MS4A12: variants seen among roughly 807,000 people sequenced by gnomAD.
MS4A12 encodes the protein membrane spanning 4-domains A12, also known as membrane-spanning 4-domains subfamily A member 12.
In MS4A12, 28 loss-of-function variants were observed where a neutral mutation model predicts 23.7. The ratio of observed to expected loss-of-function variants is 1.18; its 90% CI spans 0.88 to 1.62. MS4A12 has a LOEUF of 1.62. MS4A12 is among the 40% of genes most tolerant of loss of function. MS4A12 has a pLI of 0.00. For synonymous variants in MS4A12, 108 were observed against 110.1 expected (o/e 0.98, Z 0.12); for missense variants, 342 against 327.0 (o/e 1.05, Z -0.35).
rs1590861648 is a variant in MS4A12, at chr11:60,501,094, T to C, written c.326T>C (p.Leu109Ser). The change falls in exon 3 of 7, where the codon TTG becomes TCG. Residue 109 changes from leucine (L) to serine (S), a missense_variant. Physicochemically the swap from Leu to Ser is moderately radical, Grantham distance 145 (BLOSUM62 -2). Coordinates refer to ENST00000016913, the MANE Select transcript of MS4A12 (RefSeq NM_017716.3). ...GLMHIGFGIV[L>S]CLISFSFREV... ...ATGCACATTGGTTTTGGAATTGTTT[T>C]GTGTTTAATATCCTTCTCTTTTAGA... is the stretch of plus-strand genomic sequence containing the variant. 1.2e-6 allele frequency: 2 copies of C among 1,613,394 alleles called. No homozygotes were observed. Among genetic ancestry groups the C allele is most frequent in the Admixed American group, 3.3e-5 (2 of 59,908 alleles).
intron 1 of MS4A12, among the ~76,000 whole-genome samples, chr11:60,493,323 C>G (rs1182419948): frequency 6.6e-6 from 1 of 150,860 alleles, no homozygotes; most frequent in Non-Finnish European, 1.5e-5. Flanking sequence ...TTGCAGTGAG[C>G]CGAGATCGCT....
At position 60,506,838 on chromosome 11, in the gene MS4A12, G is replaced by A. The variant is rs1378021469; in HGVS notation, c.699G>A (p.Met233Ile). The A allele has an allele frequency of 6.2e-7, 1 of 1,609,644 alleles. No individual in the cohort carries two copies. The highest frequency in any genetic ancestry group is 8.5e-7 in the Non-Finnish European group (1 of 1,175,894). Residue 233 changes from methionine to isoleucine, a missense_variant and splice_region_variant, in exon 6 of 7, where the codon ATG becomes ATA. Met to Ile is a conservative substitution (Grantham distance 10). Transcript: ENST00000016913. ...ACCAAGCAAACACCACAACCAATAT[G>A]GTGAGTTGGGTCTCTTCTTTGTAAA... ...FANQANTTTN[M>I]SVLVIPNMYE...
intron 3 of MS4A12, among the ~76,000 whole-genome samples, chr11:60,501,651 C>A (rs993064613): frequency 3.3e-5 from 5 of 151,808 alleles, no homozygotes; most frequent in African/African-American, 4.8e-5. Context: ...GAGATGGAGG[C>A]CAGCCTGGGC....
In MS4A12 at chr11:60,497,346, G is replaced by A. The variant is rs1457543254; in HGVS notation, c.28G>A (p.Ala10Thr). The A allele has an allele frequency of 6.2e-7, 1 of 1,613,936 alleles. No individual in the cohort carries two copies. The highest frequency in any genetic ancestry group is 1.3e-5 in the African/African-American group (1 of 74,918). Residue 10 changes from alanine to threonine, a missense_variant, in exon 2 of 7, where the codon GCT (alanine) becomes ACT (threonine). Physicochemically the swap from Ala to Thr is moderately conservative, Grantham distance 58. Coordinates refer to ENST00000016913, the MANE Select transcript of MS4A12 (RefSeq NM_017716.3). MMSSKPTSHAEVNETIPNPY... is the reference protein window; with the variant it reads MMSSKPTSHTEVNETIPNPY... ...GATGTCATCCAAGCCAACAAGCCAT[G>A]CTGAAGTAAATGAAACCATACCCAA...
rs767864042 is a variant in MS4A12 at position 60,497,302 on chromosome 11, G to A, written c.-6-11G>A. ...TAAACGTATCACTTTTGTATGTTTT[G>A]TGATACTTAGGACATAATGATGTCA... On this transcript the variant is annotated splice_polypyrimidine_tract_variant and intron_variant, in intron 1 of 6. Coordinates refer to ENST00000016913, the MANE Select transcript of MS4A12 (RefSeq NM_017716.3). The A allele has an allele frequency of 4.4e-6, 7 of 1,588,354 alleles. No individual in the cohort carries two copies. The highest frequency in any genetic ancestry group is 1.4e-5 in the African/African-American group (1 of 73,480).
chr11:60,503,894 A>C, intron 5 of MS4A12, 77 bp downstream of exon 5: 1 of 1,223,208 alleles, frequency 8.2e-7, no homozygotes, highest in East Asian at 2.3e-5. Context: ...ATTTCTTAAT[A>C]CCGTATACCA....
Position 60,497,458 on chromosome 11 carries a change from A to C in MS4A12, c.140A>C (p.Gln47Pro). 1.2e-6 allele frequency: 2 copies of C among 1,614,232 alleles called. No individual in the cohort carries two copies. Among genetic ancestry groups the C allele is most frequent in the Non-Finnish European group, 1.7e-6 (2 of 1,180,044 alleles). The change falls in exon 2 of 7, where the codon CAG becomes CCG. Residue 47 changes from glutamine to proline, a missense_variant. Coordinates refer to ENST00000016913, the MANE Select transcript of MS4A12 (RefSeq NM_017716.3). ...INLENQAQGAQRAQPYGITSP... is the reference protein window; with the variant it reads ...INLENQAQGAPRAQPYGITSP... ...TTAGAAAACCAAGCTCAGGGTGCTC[A>C]GCGTGCTCAGCCCTACGGCATCACA...
chr11:60,505,044 G>C (rs565450212), intron 5 of MS4A12, among the ~76,000 whole-genome samples: 3 of 152,136 alleles, frequency 2.0e-5, no homozygotes, highest in African/African-American at 7.2e-5. Context: ...GTAAGGAAAA[G>C]CTTATATAAG....
At chr11:60,498,441 G>T (rs2086505910) in intron 2 of MS4A12, among the ~76,000 whole-genome samples, 1 of 152,130 alleles carries the variant, frequency 6.6e-6, no homozygotes, top group Non-Finnish European at 1.5e-5. Context: ...TATTTACTAA[G>T]CTGTGGAGGT....
intron 2 of MS4A12, among the ~76,000 whole-genome samples, chr11:60,499,133 C>T (rs1342885471): frequency 1.9e-5 from 2 of 105,440 alleles, no homozygotes; most frequent in African/African-American, 3.7e-5. Flanking sequence ...GCTACTTCCT[C>T]TCTCTGAAGA....
At chr11:60,495,118 A>T (rs4394855) in intron 1 of MS4A12, among the ~76,000 whole-genome samples, 1 of 134,636 alleles carries the variant, frequency 7.4e-6, no homozygotes. Flanking sequence ...TCAGCCTCCC[A>T]TGTAGCTGGG....
chr11:60,506,256 CTT>C (rs999902602), intron 5 of MS4A12, among the ~76,000 whole-genome samples: 1 of 152,176 alleles, frequency 6.6e-6, no homozygotes, highest in Admixed American at 6.5e-5. Flanking sequence ...GCTCCTCTCT[CTT>C]GGTTATTCTC....
chr11:60,504,874 C>T (rs1590863648), intron 5 of MS4A12, among the ~76,000 whole-genome samples: 2 of 152,134 alleles, frequency 1.3e-5, no homozygotes. Flanking sequence ...GATGCGTGTC[C>T]CCTAGAGTAT....
chr11:60,500,272 AC>A (rs1408282980), intron 2 of MS4A12, among the ~76,000 whole-genome samples: 4 of 151,566 alleles, frequency 2.6e-5, no homozygotes, highest in South Asian at 2.1e-4. Flanking sequence ...AAAAAAAAAA[AC>A]AATATAAATG....
At chr11:60,505,280 C>A (rs913026333) in intron 5 of MS4A12, among the ~76,000 whole-genome samples, 1 of 152,034 alleles carries the variant, frequency 6.6e-6, no homozygotes, top group African/African-American at 2.4e-5. Context: ...TCATGAGACC[C>A]ATTCACTGTC....
intron 1 of MS4A12, among the ~76,000 whole-genome samples, chr11:60,496,444 C>T (rs1009431884): frequency 2.6e-5 from 4 of 152,110 alleles, no homozygotes; most frequent in Admixed American, 2.0e-4. Context: ...CCCTTGCCTA[C>T]ATGGGGCCTG....
At chr11:60,501,600 G>C (rs2086530961) in intron 3 of MS4A12, among the ~76,000 whole-genome samples, 1 of 152,126 alleles carries the variant, frequency 6.6e-6, no homozygotes, top group Non-Finnish European at 1.5e-5. Flanking sequence ...TGTAGTCCCA[G>C]CTACTTGGGA....
chr11:60,494,686 T>C (rs1412478044), intron 1 of MS4A12, among the ~76,000 whole-genome samples: 5 of 152,222 alleles, frequency 3.3e-5, no homozygotes, highest in Admixed American at 2.0e-4. Context: ...TTGCATAAAT[T>C]AGGATAATTT....
intron 2 of MS4A12, 109 bp from the exon 3 acceptor site, chr11:60,500,936 A>G: frequency 7.8e-7 from 1 of 1,283,660 alleles, no homozygotes; most frequent in South Asian, 1.5e-5. Flanking sequence ...AATGACAACG[A>G]TGGATCTCAG....
Sources: gnomAD v4.1 joint callset for allele counts (sites outside exome capture counted in the v4.1 genomes callset) on GRCh38, gnomAD v4.1.1 for gene constraint, MANE v1.5 for transcripts, NCBI Gene and HGNC (gene_info 2026-07-23, HGNC 2026-07-21) for gene names.